The following ITPR2 variants were observed in gnomAD, a reference collection of about 807,000 sequenced individuals.
ITPR2 encodes the protein inositol 1,4,5-trisphosphate-gated calcium channel ITPR2.
A neutral mutation model predicts 317.1 loss-of-function variants in ITPR2; 207 were observed. The observed-to-expected ratio is 0.65, with a 90% CI of 0.58 to 0.73. The LOEUF is 0.73. Among genes scored for constraint, ITPR2 ranks in the 30% least tolerant of loss-of-function variants. The pLI, the probability that ITPR2 is intolerant of heterozygous loss-of-function variation, is 0.00. For missense variants in ITPR2, 2,613 were observed against 3,284.0 expected (o/e 0.80, Z 4.99); for synonymous variants, 1,156 against 1,149.1 (o/e 1.01, Z -0.12).
At position 26,599,291 on chromosome 12, in the gene ITPR2, T is replaced by G; in HGVS notation, c.3856A>C (p.Asn1286His). ...HIFMNNYHLC[N>H]EISERVVQHF... ...TGTACAACTCTCTCGCTAATTTCGT[T>G]GCACAGATGGTAATTGTTCATGAAG... Residue 1286 changes from asparagine to histidine, a missense_variant, in exon 30 of 57, where the codon AAC becomes CAC. Around this residue, in one of 9 missense-constraint regions of ITPR2, gnomAD observed 817 missense variants for 897.6 expected, o/e 0.91. Transcript: ENST00000381340. 6.2e-7 allele frequency: 1 copy of G among 1,614,124 alleles called. No homozygotes were observed. The highest frequency in any genetic ancestry group is 8.5e-7 in the Non-Finnish European group (1 of 1,179,946).
rs772251294 is a variant in ITPR2 at position 26,475,431 on chromosome 12, A to AG, written c.6220-14_6220-13insC. The AG allele has an allele frequency of 3.3e-5, 52 of 1,599,754 alleles. No individual in the cohort carries two copies. Among genetic ancestry groups the AG allele is most frequent in the South Asian group, 3.0e-4 (26 of 87,046 alleles). On this transcript the variant is annotated splice_polypyrimidine_tract_variant and intron_variant, in intron 44 of 56. Transcript: ENST00000381340. Reference sequence around the variant, plus strand: ...TCATCACATCCACCTATCCAAAAAAAAAAAGAATATTGAAATGCCAGAAAC... The same window carrying AG: ...TCATCACATCCACCTATCCAAAAAAAGAAAAGAATATTGAAATGCCAGAAAC...
At chr12:26,707,777 G>C (rs112926221) in intron 9 of ITPR2, among the ~76,000 whole-genome samples, 3 of 151,920 alleles carry the variant, frequency 2.0e-5, no homozygotes, top group Admixed American at 6.6e-5. Flanking sequence ...TGATCCACCC[G>C]CCTCAGCCTC....
intron 21 of ITPR2, among the ~76,000 whole-genome samples, chr12:26,643,433 A>T (rs1363120096): frequency 6.6e-6 from 1 of 152,238 alleles, no homozygotes; most frequent in African/African-American, 2.4e-5. Context: ...CAACATTGCC[A>T]TAAACAGATC....
At position 26,820,348 on chromosome 12, in the gene ITPR2, T is replaced by C. The variant is rs1950920574; in HGVS notation, c.92+12342A>G. On this transcript the variant is annotated intron_variant, in intron 1 of 56. Coordinates refer to ENST00000381340, the MANE Select transcript of ITPR2 (RefSeq NM_002223.4). ...CTTAGAGATTTTAAAATTAAATACG[T>C]ATATGGTAATGCAACAAATATTTAT... Among the ~76,000 whole-genome samples, 3 of 152,290 alleles carry C rather than the reference T, an allele frequency of 2.0e-5. No individual in the cohort carries two copies. In the South Asian group the frequency reaches 6.2e-4, roughly 32 times the overall value.
intron 34 of ITPR2, among the ~76,000 whole-genome samples, chr12:26,574,725 T>G (rs1040790799): frequency 2.6e-5 from 4 of 152,128 alleles, no homozygotes; most frequent in Admixed American, 2.6e-4. Flanking sequence ...ATTCAGCTTC[T>G]GGTGAGGCCT....
chr12:26,716,839 A>G (rs1948747734), intron 5 of ITPR2, among the ~76,000 whole-genome samples: 1 of 152,178 alleles, frequency 6.6e-6, no homozygotes, highest in African/African-American at 2.4e-5. Context: ...TAAATATATT[A>G]AACTAATATT....
At chr12:26,756,782 G>C (rs905834223) in intron 2 of ITPR2, among the ~76,000 whole-genome samples, 2 of 152,160 alleles carry the variant, frequency 1.3e-5, no homozygotes, top group African/African-American at 4.8e-5. Flanking sequence ...TAGAAGGGAG[G>C]GGGGAAATGT....
At chr12:26,746,188 T>TA (rs1183210558) in intron 2 of ITPR2, among the ~76,000 whole-genome samples, 1 of 89,528 alleles carries the variant, frequency 1.1e-5, no homozygotes, top group East Asian at 3.9e-4. Flanking sequence ...TGTGTATTCC[T>TA]ACAACACACA....
At chr12:26,409,361 T>C (rs1251114914) in intron 52 of ITPR2, among the ~76,000 whole-genome samples, 2 of 152,184 alleles carry the variant, frequency 1.3e-5, no homozygotes, top group Non-Finnish European at 2.9e-5. Flanking sequence ...TAGAGCAACA[T>C]GGGCGGAATG....
intron 50 of ITPR2, among the ~76,000 whole-genome samples, chr12:26,416,753 A>G (rs1055961897): frequency 6.6e-6 from 1 of 152,218 alleles, no homozygotes; most frequent in Non-Finnish European, 1.5e-5. Flanking sequence ...TAACTAATGC[A>G]CATTCAACTT....
intron 49 of ITPR2, among the ~76,000 whole-genome samples, chr12:26,422,279 T>G (rs988357245): frequency 1.3e-5 from 2 of 150,254 alleles, no homozygotes; most frequent in African/African-American, 4.9e-5. Flanking sequence ...TATTATTGAA[T>G]TATTGAATAA....
At chr12:26,603,881 G>A (rs1409752235) in intron 26 of ITPR2, among the ~76,000 whole-genome samples, 1 of 152,112 alleles carries the variant, frequency 6.6e-6, no homozygotes, top group East Asian at 1.9e-4. Context: ...AATCAGAGTG[G>A]GGTCTGATGG....
At chr12:26,651,574 T>C (rs562355009) in intron 21 of ITPR2, among the ~76,000 whole-genome samples, 1 of 152,226 alleles carries the variant, frequency 6.6e-6, no homozygotes, top group African/African-American at 2.4e-5. Context: ...CTTAATTCCA[T>C]TTAGAGTACC....
chr12:26,534,196 C>T (rs1479295636), intron 37 of ITPR2, among the ~76,000 whole-genome samples: 2 of 152,212 alleles, frequency 1.3e-5, no homozygotes, highest in Non-Finnish European at 2.9e-5. Context: ...TTGTAATATT[C>T]CCTTTTCTCC....
At chr12:26,728,331 G>A (rs1035538289) in intron 2 of ITPR2, among the ~76,000 whole-genome samples, 1 of 152,190 alleles carries the variant, frequency 6.6e-6, no homozygotes, top group Non-Finnish European at 1.5e-5. Context: ...GGAGGGGTAA[G>A]TGAAAATAGC....
At chr12:26,643,798 TC>T (rs1409659305) in intron 21 of ITPR2, among the ~76,000 whole-genome samples, 1 of 152,240 alleles carries the variant, frequency 6.6e-6, no homozygotes, top group African/African-American at 2.4e-5. Context: ...GTCTGGTTCC[TC>T]CTGACTGCTT....
At position 26,681,857 on chromosome 12, in the gene ITPR2, C is replaced by T; in HGVS notation, c.1409+17G>A. ...ACAACTGACTCGTGATTATTTAAGA[C>T]CAATTTAAAGAGTTACCTCCTTTCA... On this transcript the variant is annotated intron_variant, in intron 13 of 56. Transcript: ENST00000381340. 6.6e-7 allele frequency: 1 copy of T among 1,520,892 alleles called. No homozygotes were observed. The allele number at this position is 1,520,892 out of a possible 1,614,324, so 94.2% of individuals were successfully genotyped here.
At chr12:26,814,197 C>T (rs967657744) in intron 1 of ITPR2, among the ~76,000 whole-genome samples, 8 of 152,136 alleles carry the variant, frequency 5.3e-5, no homozygotes, top group Non-Finnish European at 7.4e-5. Context: ...AAAACACCTG[C>T]GCAAGGGCAG....
chr12:26,597,727 A>C (rs1452323227), intron 30 of ITPR2, among the ~76,000 whole-genome samples: 2 of 152,238 alleles, frequency 1.3e-5, no homozygotes, highest in Non-Finnish European at 2.9e-5. Flanking sequence ...TTTAAGACAT[A>C]AATTTTCCTT....
Sources: allele counts gnomAD v4.1 joint callset (sites outside exome capture counted in the v4.1 genomes callset), GRCh38; gene constraint gnomAD v4.1.1; regional missense constraint gnomAD v4.1.1; transcripts MANE v1.5; gene names NCBI Gene and HGNC (gene_info 2026-07-23, HGNC 2026-07-21).